GRIN2A: variants seen among roughly 807,000 people sequenced by gnomAD.
GRIN2A encodes the protein glutamate receptor ionotropic, NMDA 2A.
A neutral mutation model predicts 113.4 loss-of-function variants in GRIN2A; 22 were observed. That is an observed-to-expected ratio of 0.19 (90% CI 0.14 to 0.28). GRIN2A has a LOEUF of 0.28. Ranked by LOEUF, GRIN2A falls within the 10% of genes least tolerant of loss-of-function variation. The probability of loss-of-function intolerance (pLI) is 1.00; values close to 1 mark genes in which losing one functional copy is unlikely to be tolerated. For missense variants in GRIN2A, 1,502 were observed against 1,887.0 expected (o/e 0.80, Z 3.78); for synonymous variants, 827 against 738.4 (o/e 1.12, Z -1.94).
intron 7 of GRIN2A, among the ~76,000 whole-genome samples, chr16:9,840,282 G>T (rs1482840189): frequency 2.0e-5 from 3 of 152,062 alleles, no homozygotes; most frequent in Non-Finnish European, 2.9e-5. Flanking sequence ...AGCGAAGGGG[G>T]AAGAGCCCCT....
intron 5 of GRIN2A, among the ~76,000 whole-genome samples, 198 bp downstream of exon 5, chr16:9,849,556 GAA>G (rs1237402928): frequency 2.0e-5 from 3 of 152,038 alleles, no homozygotes; most frequent in African/African-American, 7.2e-5. Flanking sequence ...ATTGCTGGTG[GAA>G]TTAAATGAAT....
intron 3 of GRIN2A, among the ~76,000 whole-genome samples, chr16:9,926,221 G>A (rs2044460567): frequency 6.6e-6 from 1 of 152,182 alleles, no homozygotes; most frequent in African/African-American, 2.4e-5. Flanking sequence ...CCAAGAAGGA[G>A]GTTTATGATC....
intron 2 of GRIN2A, among the ~76,000 whole-genome samples, chr16:10,072,947 T>C (rs997336021): frequency 3.4e-4 from 5 of 14,676 alleles, no homozygotes; most frequent in East Asian, 1.6e-3. Context: ...CAAGACCCCC[T>C]TTTTTTTTTT....
At chr16:9,846,020 AATTT>A (rs1352073262) in intron 5 of GRIN2A, among the ~76,000 whole-genome samples, 4 of 152,244 alleles carry the variant, frequency 2.6e-5, no homozygotes, top group Non-Finnish European at 5.9e-5. Context: ...GTATTAAAAC[AATTT>A]ATTTATAACA....
chr16:10,142,310 C>T (rs186442331), intron 2 of GRIN2A, among the ~76,000 whole-genome samples: 17 of 152,250 alleles, frequency 1.1e-4, no homozygotes, highest in African/African-American at 3.6e-4. Flanking sequence ...TTTAGGGAGA[C>T]GAATAAGTTT....
chr16:10,046,968 G>A (rs975571356), intron 2 of GRIN2A, among the ~76,000 whole-genome samples: 2 of 152,180 alleles, frequency 1.3e-5, no homozygotes, highest in Admixed American at 6.5e-5. Flanking sequence ...CTGTGTGGAA[G>A]GAAGCTGTTC....
At chr16:10,127,207 G>A (rs1468990968) in intron 2 of GRIN2A, among the ~76,000 whole-genome samples, 1 of 151,078 alleles carries the variant, frequency 6.6e-6, no homozygotes, top group East Asian at 1.9e-4. Flanking sequence ...ACTCCAGCCT[G>A]GCAACAGAGA....
At chr16:9,976,141 A>C (rs779666885) in intron 2 of GRIN2A, among the ~76,000 whole-genome samples, 32 of 152,254 alleles carry the variant, frequency 2.1e-4, no homozygotes, top group Non-Finnish European at 4.4e-5. Flanking sequence ...ATTCTAAAGG[A>C]AATTTTATAG....
At chr16:9,807,285 A>G (rs1351579216) in intron 10 of GRIN2A, among the ~76,000 whole-genome samples, 1 of 8,168 alleles carries the variant, frequency 1.2e-4, no homozygotes, top group Admixed American at 1.4e-3. Flanking sequence ...GGGGAGGGGG[A>G]GAGGGAGGGA....
At chr16:9,928,938 G>A (rs2141602605) in intron 3 of GRIN2A, among the ~76,000 whole-genome samples, 1 of 152,288 alleles carries the variant, frequency 6.6e-6, no homozygotes, top group South Asian at 2.1e-4. Context: ...TTTTTGGAAG[G>A]CCTACTACGA....
intron 4 of GRIN2A, among the ~76,000 whole-genome samples, chr16:9,877,887 C>T (rs1234800287): frequency 2.9e-5 from 4 of 139,884 alleles, no homozygotes; most frequent in Non-Finnish European, 1.5e-5. Flanking sequence ...AACTCTCTCT[C>T]TCCTGCTTTC....
At chr16:9,986,029 A>G (rs1260656390) in intron 2 of GRIN2A, among the ~76,000 whole-genome samples, 3 of 152,222 alleles carry the variant, frequency 2.0e-5, no homozygotes, top group Non-Finnish European at 2.9e-5. Context: ...TTATAATTAT[A>G]TAAATTCATA....
Position 9,763,703 on chromosome 16 carries a change from T to C in GRIN2A, c.3841A>G (p.Lys1281Glu), listed in dbSNP as rs1200752172. Residue 1281 changes from lysine to glutamate, a missense_variant, in exon 13 of 13, where the codon AAG (lysine) becomes GAG (glutamate). Lys to Glu is a moderately conservative substitution (Grantham distance 56). Around this residue, in one of 7 missense-constraint regions of GRIN2A, gnomAD observed 832 missense variants for 789.7 expected, o/e 1.05. Transcript: ENST00000330684. The stretch of plus-strand genomic sequence containing the variant: ...TGACGGCTAATCCTTAGCTTGTTCT[T>C]TTGTAATTGAAGGGCATTGTTCTGT... ...WAQNNALQLQ[K>E]NKLRISRQHS... 2 of 1,614,118 alleles carry C rather than the reference T, an allele frequency of 1.2e-6. No individual in the cohort carries two copies. The highest frequency in any genetic ancestry group is 1.7e-6 in the Non-Finnish European group (2 of 1,180,004).
intron 3 of GRIN2A, among the ~76,000 whole-genome samples, chr16:9,911,450 C>T (rs781599497): frequency 4.6e-5 from 7 of 152,156 alleles, no homozygotes; most frequent in African/African-American, 1.4e-4. Flanking sequence ...CTAGTGTTAG[C>T]GATCTTGGGC....
intron 2 of GRIN2A, among the ~76,000 whole-genome samples, chr16:9,963,250 C>A (rs1233957983): frequency 6.6e-6 from 1 of 151,750 alleles, no homozygotes; most frequent in Admixed American, 6.6e-5. Flanking sequence ...GCACATGTAC[C>A]CTAAAACTTA....
At chr16:10,100,727 T>C (rs2048377847) in intron 2 of GRIN2A, among the ~76,000 whole-genome samples, 2 of 152,218 alleles carry the variant, frequency 1.3e-5, no homozygotes, top group Admixed American at 1.3e-4. Flanking sequence ...CCTGCTGGAT[T>C]CACTTTATAA....
intron 3 of GRIN2A, among the ~76,000 whole-genome samples, chr16:9,907,626 A>G (rs2044052437): frequency 6.6e-6 from 1 of 152,220 alleles, no homozygotes; most frequent in Admixed American, 6.5e-5. Context: ...TTAAAAATAA[A>G]ATTTAAAATT....
chr16:9,994,502 G>A (rs2141826077), intron 2 of GRIN2A, among the ~76,000 whole-genome samples: 1 of 152,220 alleles, frequency 6.6e-6, no homozygotes, highest in Non-Finnish European at 1.5e-5. Context: ...GAGGATTGAC[G>A]TCCCCGAGAT....
At chr16:10,085,987 G>A (rs748229386) in intron 2 of GRIN2A, among the ~76,000 whole-genome samples, 10 of 152,118 alleles carry the variant, frequency 6.6e-5, no homozygotes, top group Admixed American at 1.3e-4. Context: ...ATTCTGTAAT[G>A]CCTGGGGCCA....
Sources: gnomAD v4.1 joint callset for allele counts (sites outside exome capture counted in the v4.1 genomes callset) on GRCh38, gnomAD v4.1.1 for gene constraint, gnomAD v4.1.1 regional missense constraint, MANE v1.5 for transcripts, NCBI Gene and HGNC (gene_info 2026-07-23, HGNC 2026-07-21) for gene names.